TBK1: variants seen among roughly 807,000 people sequenced by gnomAD.
TBK1 encodes TANK binding kinase 1.
Under a neutral mutation model 99.9 loss-of-function variants are expected in TBK1, and 37 were observed. The ratio of observed to expected loss-of-function variants is 0.37; its 90% CI spans 0.28 to 0.49. The LOEUF (loss-of-function observed/expected upper bound fraction) is 0.49, where lower values mean the gene tolerates loss of function less well. Among genes scored for constraint, TBK1 ranks in the 20% least tolerant of loss-of-function variants. The pLI is 0.98. For missense variants in TBK1, 644 were observed against 872.5 expected (o/e 0.74, Z 3.30); for synonymous variants, 258 against 279.8 (o/e 0.92, Z 0.78).
At chr12:64,481,778 A>G in intron 7 of TBK1, 64 bp from the exon 8 acceptor site, 1 of 1,211,946 alleles carries the variant, frequency 8.3e-7, no homozygotes, top group Non-Finnish European at 1.1e-6. Flanking sequence ...AAATACTATG[A>G]TTTTTTAACC....
chr12:64,490,727 C>T (rs1013328402), intron 13 of TBK1, among the ~76,000 whole-genome samples: 1 of 151,956 alleles, frequency 6.6e-6, no homozygotes, highest in Non-Finnish European at 1.5e-5. Context: ...CACCTGAGGT[C>T]GGGAGTTTGA....
rs1488421952 is a variant in TBK1, at chr12:64,501,423, A to G, written c.*42A>G. 3.1e-6 allele frequency: 5 copies of G among 1,597,040 alleles called. No individual in the cohort carries two copies. The highest frequency in any genetic ancestry group is 2.2e-5 in the East Asian group (1 of 44,764). ...TAAGAAAAGTTTCCGTTTGCACAAG[A>G]AAATAACGCTTGGGCATTAAATGAA... is the stretch of plus-strand genomic sequence containing the variant. On this transcript the variant is annotated 3_prime_UTR_variant, in exon 21 of 21. Coordinates refer to ENST00000331710, the MANE Select transcript of TBK1 (RefSeq NM_013254.4).
intron 12 of TBK1, among the ~76,000 whole-genome samples, chr12:64,488,960 C>T (rs2040843831): frequency 6.6e-6 from 1 of 152,154 alleles, no homozygotes; most frequent in African/African-American, 2.4e-5. Context: ...CCACTGCACT[C>T]CAGCCTGGTG....
chr12:64,454,236 GTTGTTTTTGT>G (rs917425712), intron 1 of TBK1, among the ~76,000 whole-genome samples: 16 of 152,244 alleles, frequency 1.1e-4, no homozygotes, highest in South Asian at 4.1e-4. Flanking sequence ...AGAAATAGGT[GTTGTTTTTGT>G]TTGTTTTTGT....
intron 6 of TBK1, among the ~76,000 whole-genome samples, chr12:64,476,453 C>T (rs540669323): frequency 1.8e-4 from 27 of 152,050 alleles, no homozygotes; most frequent in South Asian, 4.1e-4. Flanking sequence ...CCACCACACC[C>T]GGCGCATAGT....
intron 10 of TBK1, 81 bp from the exon 11 acceptor site, chr12:64,485,845 G>T (rs2136079407): frequency 1.0e-6 from 1 of 991,508 alleles, no homozygotes; most frequent in Non-Finnish European, 1.4e-6. Flanking sequence ...AAATGTGTAA[G>T]CTTGAATAAT....
At position 64,484,559 on chromosome 12, in the gene TBK1, G is replaced by A. The variant is rs527370726; in HGVS notation, c.1189+60G>A. 7.7e-5 allele frequency: 116 copies of A among 1,497,816 alleles called. 2 individuals are homozygous for A. The highest frequency in any genetic ancestry group is 7.5e-4 in the Middle Eastern group (4 of 5,304). The allele number at this position is 1,497,816 out of a possible 1,614,324, so 92.8% of individuals were successfully genotyped here. A position where few individuals can be genotyped will look rare whatever the true frequency, so the allele number is the denominator to read the frequency against. On this transcript the variant is annotated intron_variant, in intron 9 of 20. Coordinates refer to ENST00000331710, the MANE Select transcript of TBK1 (RefSeq NM_013254.4). ...CATTAGAAAAATACAGCCAGCCTGG[G>A]CAACATAGTGAGACCTTGTCTCTAC...
At chr12:64,497,405 G>T in intron 18 of TBK1, 146 bp downstream of exon 18, 1 of 643,402 alleles carries the variant, frequency 1.6e-6, no homozygotes. Context: ...TTTTAAGAAT[G>T]TAGATGTTTT....
In TBK1 at chr12:64,465,364, A is replaced by G. The variant is rs1011025489; in HGVS notation, c.358+901A>G. The stretch of plus-strand genomic sequence containing the variant: ...CTAGAAAACAGTCTAGAGTTCCTCA[A>G]AAAGTTAAATATAGAATTATTTAAC... On this transcript the variant is annotated intron_variant, in intron 4 of 20. Transcript: ENST00000331710. 2.6e-5 allele frequency among the ~76,000 whole-genome samples: 4 copies of G among 152,108 alleles called. No homozygotes were observed. The East Asian group carries it at 5.8e-4, about 22-fold the overall frequency.
intron 3 of TBK1, 28 bp downstream of exon 3, chr12:64,460,357 T>G: frequency 6.8e-7 from 1 of 1,478,714 alleles, no homozygotes; most frequent in Non-Finnish European, 9.1e-7. Flanking sequence ...AATCTTATAT[T>G]TATTGTAGTT....
At chr12:64,468,285 G>C (rs1157905037) in intron 5 of TBK1, among the ~76,000 whole-genome samples, 2 of 152,056 alleles carry the variant, frequency 1.3e-5, no homozygotes, top group African/African-American at 4.8e-5. Context: ...ACAAGTTCAG[G>C]AGTTTGAGAC....
intron 5 of TBK1, among the ~76,000 whole-genome samples, chr12:64,469,855 A>G (rs753994799): frequency 4.1e-4 from 63 of 151,930 alleles, no homozygotes; most frequent in Non-Finnish European, 7.2e-4. Context: ...CTAGTTCACC[A>G]GGCCCAGCTC....
intron 8 of TBK1, among the ~76,000 whole-genome samples, chr12:64,482,825 T>C (rs781512999): frequency 2.0e-5 from 3 of 152,246 alleles, no homozygotes; most frequent in Non-Finnish European, 4.4e-5. Context: ...ATATACTCTG[T>C]GATGTTCACA....
intron 13 of TBK1, among the ~76,000 whole-genome samples, chr12:64,494,720 G>T (rs2040908365): frequency 6.6e-6 from 1 of 152,108 alleles, no homozygotes; most frequent in South Asian, 2.1e-4. Flanking sequence ...AGAAAAAATT[G>T]CATAACAGTA....
intron 15 of TBK1, 164 bp downstream of exon 15, chr12:64,495,939 A>C (rs1405288785): frequency 5.1e-6 from 3 of 585,526 alleles, no homozygotes; most frequent in African/African-American, 1.9e-5. Context: ...AAAAAAAAAA[A>C]AAAACTATCC....
At chr12:64,482,689 A>T (rs1329274987) in intron 8 of TBK1, among the ~76,000 whole-genome samples, 4 of 152,216 alleles carry the variant, frequency 2.6e-5, no homozygotes, top group African/African-American at 9.6e-5. Context: ...GTTTCTAATT[A>T]TGTTACAGCT....
intron 6 of TBK1, among the ~76,000 whole-genome samples, chr12:64,479,116 A>G (rs1234496084): frequency 6.6e-6 from 1 of 152,242 alleles, no homozygotes; most frequent in African/African-American, 2.4e-5. Flanking sequence ...TACTAATGAA[A>G]GATATATTCA....
Position 64,466,981 on chromosome 12 carries a change from G to A in TBK1, c.439G>A (p.Glu147Lys), listed in dbSNP as rs372808630. The change falls in exon 5 of 21, where the codon GAA becomes AAA. Residue 147 changes from glutamate to lysine, a missense_variant. By Grantham distance (56) the Glu-to-Lys change is moderately conservative. Transcript: ENST00000331710. ...AGGAAATATCATGCGTGTTATAGGG[G>A]AAGATGGACAGTCTGTGTACAAACT... is the stretch of plus-strand genomic sequence containing the variant. Reference protein sequence around the residue: ...KPGNIMRVIGEDGQSVYKLTD... With the variant: ...KPGNIMRVIGKDGQSVYKLTD... 79 of 1,613,038 alleles carry A rather than the reference G, an allele frequency of 4.9e-5. 1 individual carries two copies. In the South Asian group the frequency reaches 7.4e-4, roughly 15 times the overall value.
chr12:64,500,861 C>T (rs2040981448), intron 20 of TBK1, among the ~76,000 whole-genome samples: 1 of 149,874 alleles, frequency 6.7e-6, no homozygotes, highest in Admixed American at 6.8e-5. Context: ...CGGGTTCAAG[C>T]AATTCTCCTG....
Sources: gnomAD v4.1 joint callset for allele counts (sites outside exome capture counted in the v4.1 genomes callset) on GRCh38, gnomAD v4.1.1 for gene constraint, MANE v1.5 for transcripts, NCBI Gene and HGNC (gene_info 2026-07-23, HGNC 2026-07-21) for gene names.